MAPK8IP3: variants seen among roughly 807,000 people sequenced by gnomAD.
MAPK8IP3 encodes the protein C-Jun-amino-terminal kinase-interacting protein 3.
In MAPK8IP3, 49 loss-of-function variants were observed where a neutral mutation model predicts 157.8. That is an observed-to-expected ratio of 0.31 (90% CI 0.25 to 0.39). MAPK8IP3 has a LOEUF of 0.39. Among genes scored for constraint, MAPK8IP3 ranks in the 10% least tolerant of loss-of-function variants. The pLI is 1.00. For synonymous variants in MAPK8IP3, 897 were observed against 777.7 expected (o/e 1.15, Z -2.55); for missense variants, 1,478 against 1,889.4 (o/e 0.78, Z 4.04).
At chr16:1,756,838 C>T (rs1567194213) in intron 8 of MAPK8IP3, among the ~76,000 whole-genome samples, 1 of 152,042 alleles carries the variant, frequency 6.6e-6, no homozygotes, top group Non-Finnish European at 1.5e-5. Context: ...TAAATAAAGG[C>T]ATCCAGGAAC....
intron 6 of MAPK8IP3, 83 bp downstream of exon 6, chr16:1,747,358 G>A: frequency 1.3e-6 from 2 of 1,540,186 alleles, no homozygotes; most frequent in African/African-American, 1.4e-5. Flanking sequence ...TAATGCACCA[G>A]GCGGGCAGTG....
intron 1 of MAPK8IP3, among the ~76,000 whole-genome samples, chr16:1,723,015 G>GTTTGTTTTTGTT (rs372872191): frequency 2.0e-5 from 3 of 150,718 alleles, no homozygotes; most frequent in African/African-American, 4.9e-5. Flanking sequence ...TTTTTTGTTT[G>GTTTGTTTTTGTT]TTTGTTTTTG....
intron 9 of MAPK8IP3, among the ~76,000 whole-genome samples, chr16:1,758,378 T>A (rs905215325): frequency 3.3e-5 from 5 of 152,158 alleles, no homozygotes; most frequent in Admixed American, 2.6e-4. Context: ...CCCCCCAGCC[T>A]GAGGAGTCCC....
intron 2 of MAPK8IP3, among the ~76,000 whole-genome samples, chr16:1,725,347 G>C (rs1031375860): frequency 7.1e-4 from 106 of 150,172 alleles, no homozygotes; most frequent in Non-Finnish European, 1.2e-3. Context: ...AAAAAAAAAG[G>C]CCGGGCATGG....
At position 1,766,206 on chromosome 16, in the gene MAPK8IP3, C is replaced by T. The variant is rs1475976116; in HGVS notation, c.2630-14C>T. 1 of 1,604,852 alleles carries T rather than the reference C, an allele frequency of 6.2e-7. No homozygotes were observed. Among genetic ancestry groups the T allele is most frequent in the Non-Finnish European group, 8.5e-7 (1 of 1,174,644 alleles). On this transcript the variant is annotated splice_polypyrimidine_tract_variant and intron_variant, in intron 21 of 31. Coordinates refer to ENST00000610761, the MANE Select transcript of MAPK8IP3 (RefSeq NM_001318852.2). ...ACGTTTCTGCCCAGCCCAAGCTCAC[C>T]TCTCCTAACACAGGGGAGGTGGCCA...
chr16:1,737,279 CGTGT>C lies in MAPK8IP3; in HGVS notation c.603-6051_603-6048del, dbSNP rs1159673615. ...GCGTCCGTGTGAGCGTGTGAGCGTCCGTGTGAGTGTGACCATCCATGTGAGCATC... is the reference window on the plus strand; with the variant it reads ...GCGTCCGTGTGAGCGTGTGAGCGTCCGAGTGTGACCATCCATGTGAGCATC... On this transcript the variant is annotated intron_variant, in intron 4 of 31. Coordinates refer to ENST00000610761, the MANE Select transcript of MAPK8IP3 (RefSeq NM_001318852.2). Among the ~76,000 whole-genome samples, 5 of 84,660 alleles carry C rather than the reference CGTGT, an allele frequency of 5.9e-5. 1 individual carries two copies. Among genetic ancestry groups the C allele is most frequent in the Non-Finnish European group, 6.5e-5 (3 of 46,466 alleles). The allele number at this position is 84,660 out of a possible 152,430, so 55.5% of individuals were successfully genotyped here.
chr16:1,739,399 ACCGT>A (rs1337516651), intron 4 of MAPK8IP3, among the ~76,000 whole-genome samples: 11 of 132,166 alleles, frequency 8.3e-5, no homozygotes, highest in African/African-American at 2.9e-4. Context: ...CATCCGTGTG[ACCGT>A]CCATGTGAGC....
intron 4 of MAPK8IP3, among the ~76,000 whole-genome samples, chr16:1,735,995 C>T (rs532014033): frequency 2.1e-4 from 27 of 126,486 alleles, no homozygotes; most frequent in African/African-American, 5.4e-4. Context: ...TGTGAGCATC[C>T]GTGTGACCGT....
intron 12 of MAPK8IP3, among the ~76,000 whole-genome samples, chr16:1,760,822 C>T (rs374044217): frequency 1.4e-4 from 21 of 152,216 alleles, no homozygotes; most frequent in African/African-American, 3.6e-4. Context: ...CCACGGCCCC[C>T]GGAGAGCTGT....
chr16:1,758,869 C>T, intron 9 of MAPK8IP3, 109 bp from the exon 10 acceptor site: 1 of 1,209,652 alleles, frequency 8.3e-7, no homozygotes, highest in Non-Finnish European at 1.2e-6. Context: ...GCTCTGAATT[C>T]CTCCCAGCCT....
In MAPK8IP3 at chr16:1,735,623, A is replaced by G. The variant is rs112797133; in HGVS notation, c.602+6045A>G. On this transcript the variant is annotated intron_variant, in intron 4 of 31. Coordinates refer to ENST00000610761, the MANE Select transcript of MAPK8IP3 (RefSeq NM_001318852.2). ...CATCCGTGTGACCATCCGTGTGAGC[A>G]TCCGTGTGACTGTCCATGTGAGTGT... is the stretch of plus-strand genomic sequence containing the variant. Among the ~76,000 whole-genome samples, 356 of 117,150 alleles carry G rather than the reference A, an allele frequency of 3.0e-3. 6 individuals carry two copies. The highest frequency in any genetic ancestry group is 0.011 in the African/African-American group (329 of 28,634). The allele number at this position is 117,150 out of a possible 152,430, so 76.9% of individuals were successfully genotyped here. A position where few individuals can be genotyped will look rare whatever the true frequency, so the allele number is the denominator to read the frequency against.
chr16:1,762,544 C>A, intron 14 of MAPK8IP3, 63 bp downstream of exon 14: 1 of 1,597,646 alleles, frequency 6.3e-7, no homozygotes, highest in South Asian at 1.1e-5. Context: ...GACTGCGGCT[C>A]CCTCCTCTGC....
rs780625129 is a variant in MAPK8IP3, at chr16:1,729,215, G to T, written c.510+7G>T. On this transcript the variant is annotated splice_region_variant and intron_variant, in intron 3 of 31. Transcript: ENST00000610761. ...GCACCAGCGGCACACAGAGGTGGGCGCCCAGAGGCAAGCGCGGAGACGAGG... is the reference window on the plus strand; with the variant it reads ...GCACCAGCGGCACACAGAGGTGGGCTCCCAGAGGCAAGCGCGGAGACGAGG... The T allele has an allele frequency of 1.2e-6, 2 of 1,613,704 alleles. No individual in the cohort carries two copies. The highest frequency in any genetic ancestry group is 1.7e-6 in the Non-Finnish European group (2 of 1,179,960).
chr16:1,750,373 C>T (rs140579438), intron 8 of MAPK8IP3, among the ~76,000 whole-genome samples: 3,752 of 152,012 alleles, frequency 0.025, 148 homozygotes, highest in African/African-American at 0.081. Context: ...CCACCACGCC[C>T]GGCTAATTTT....
intron 5 of MAPK8IP3, chr16:1,744,131 AG>A (rs2040835309): frequency 1.0e-6 from 1 of 985,498 alleles, no homozygotes; most frequent in African/African-American, 1.7e-5. Flanking sequence ...CCACTCCTTC[AG>A]GGCCCCAGGT....
rs925526996 is a variant in MAPK8IP3 at position 1,767,228 on chromosome 16, G to T, written c.3168G>T (p.Val1056=). ...ACTCCATCCGCTGCATGGCTGTTGT[G>T]TACGACCGCGTGTGGTGTGGCTACA... is the stretch of plus-strand genomic sequence containing the variant. ...PHHSIRCMAV[V]YDRVWCGYKN... is the part of the protein sequence containing the mutation. The change falls in exon 26 of 32, where the codon GTG becomes GTT. Residue 1056 remains valine, a synonymous_variant. Transcript: ENST00000610761. The T allele has an allele frequency of 1.9e-6, 3 of 1,613,348 alleles. No homozygotes were observed. In the East Asian group the frequency reaches 6.7e-5, roughly 36 times the overall value.
rs2294611 is a variant in MAPK8IP3 at position 1,744,682 on chromosome 16, G to A, written c.747+1206G>A. The A allele has an allele frequency of 1.9e-4, 185 of 985,462 alleles. 1 individual carries two copies. In the East Asian group the frequency reaches 0.016, roughly 84 times the overall value. 61.0% of individuals were successfully genotyped at this position (985,462 alleles called of 1,614,324 possible). A position where few individuals can be genotyped will look rare whatever the true frequency, so the allele number is the denominator to read the frequency against. ...TCAGCCTCAGCCGGGGGGAGCCCTT[G>A]CTTGACGCTCTCTGGCCTCCGGGCT... On this transcript the variant is annotated intron_variant, in intron 5 of 31. Transcript: ENST00000610761.
At position 1,762,889 on chromosome 16, in the gene MAPK8IP3, A is replaced by G. The variant is rs778597888; in HGVS notation, c.1781A>G (p.Tyr594Cys). The G allele has an allele frequency of 2.1e-5, 34 of 1,612,650 alleles. No homozygotes were observed. The highest frequency in any genetic ancestry group is 2.5e-5 in the Non-Finnish European group (30 of 1,179,876). Reference sequence around the variant, plus strand: ...AGCCCCCCTCCGGCCAAGCGCCCCTATCCCTCGGTGAACATCCACTACAAG... The same window carrying G: ...AGCCCCCCTCCGGCCAAGCGCCCCTGTCCCTCGGTGAACATCCACTACAAG... ...SSSPPPAKRP[Y>C]PSVNIHYKSP... The change falls in exon 16 of 32, where the codon TAT becomes TGT. Residue 594 changes from tyrosine to cysteine, a missense_variant. Tyr to Cys is a radical substitution (Grantham distance 194). Around this residue, in one of 11 missense-constraint regions of MAPK8IP3, gnomAD observed 669 missense variants for 759.8 expected, o/e 0.88. Transcript: ENST00000610761.
chr16:1,711,619 G>A (rs893544009), intron 1 of MAPK8IP3, among the ~76,000 whole-genome samples: 6 of 152,156 alleles, frequency 3.9e-5, no homozygotes, highest in Admixed American at 1.3e-4. Context: ...CCGGCTCTCC[G>A]GACTTGTTTT....
Sources: allele counts gnomAD v4.1 joint callset (sites outside exome capture counted in the v4.1 genomes callset), GRCh38; gene constraint gnomAD v4.1.1; regional missense constraint gnomAD v4.1.1; transcripts MANE v1.5; gene names NCBI Gene and HGNC (gene_info 2026-07-23, HGNC 2026-07-21).